Variants in SLC22A3 observed in about 807,000 individuals in gnomAD.
SLC22A3 encodes solute carrier family 22 member 3.
A neutral mutation model predicts 59.1 loss-of-function variants in SLC22A3; 51 were observed. The observed-to-expected ratio is 0.86, with a 90% CI of 0.69 to 1.09. The LOEUF (loss-of-function observed/expected upper bound fraction) is 1.09. SLC22A3 is among the 50% of genes least tolerant of loss of function. The pLI, the probability that SLC22A3 is intolerant of heterozygous loss-of-function variation, is 0.00. For missense variants in SLC22A3, 711 were observed against 726.3 expected (o/e 0.98, Z 0.24); for synonymous variants, 325 against 292.0 (o/e 1.11, Z -1.15).
chr6:160,362,884 G>A (rs764373719), intron 1 of SLC22A3, among the ~76,000 whole-genome samples: 1 of 152,228 alleles, frequency 6.6e-6, no homozygotes, highest in Admixed American at 6.5e-5. Context: ...GCTGGGCCGC[G>A]GCCAAGGAGC....
intron 1 of SLC22A3, among the ~76,000 whole-genome samples, chr6:160,383,348 C>T (rs1785866841): frequency 6.6e-6 from 1 of 152,028 alleles, no homozygotes; most frequent in Non-Finnish European, 1.5e-5. Flanking sequence ...CCACTAACAA[C>T]TACTTCAAAT....
chr6:160,452,552 CAATT>C lies in SLC22A3; in HGVS notation c.*1499_*1502del, dbSNP rs1789009046. 6.7e-6 allele frequency: 1 copy of C among 149,038 alleles called. No individual in the cohort carries two copies. The highest frequency in any genetic ancestry group is 2.6e-5 in the African/African-American group (1 of 38,436). The allele number at this position is 149,038 out of a possible 1,614,324, so 9.2% of individuals were successfully genotyped here. A position where few individuals can be genotyped will look rare whatever the true frequency, so the allele number is the denominator to read the frequency against. On this transcript the variant is annotated 3_prime_UTR_variant, in exon 11 of 11. Coordinates refer to ENST00000275300, the MANE Select transcript of SLC22A3 (RefSeq NM_021977.4). ...TTGAGTGGATATTTTTGTTTGGTAA[CAATT>C]AAAATTTTAAATCGTAAAAAATGTA...
At position 160,447,778 on chromosome 6, in the gene SLC22A3, G is replaced by A; in HGVS notation, c.1570G>A (p.Ala524Thr). 1 of 1,614,106 alleles carries A rather than the reference G, an allele frequency of 6.2e-7. No individual in the cohort carries two copies. Among genetic ancestry groups the A allele is most frequent in the African/African-American group, 1.3e-5 (1 of 75,024 alleles). ...VMLLPETKGI[A>T]LPETVDDVEK... Reference sequence around the variant, plus strand: ...GCTTTTGCCTGAAACCAAGGGTATTGCCTTGCCAGAGACAGTGGATGATGT... The same window carrying A: ...GCTTTTGCCTGAAACCAAGGGTATTACCTTGCCAGAGACAGTGGATGATGT... The change falls in exon 10 of 11, where the codon GCC becomes ACC. Residue 524 changes from alanine to threonine, a missense_variant. Transcript: ENST00000275300.
chr6:160,388,861 T>C (rs1786129836), intron 1 of SLC22A3, among the ~76,000 whole-genome samples: 2 of 152,218 alleles, frequency 1.3e-5, no homozygotes, highest in South Asian at 4.1e-4. Flanking sequence ...TGGTTCTTTA[T>C]TAGAGAGTAA....
intron 5 of SLC22A3, among the ~76,000 whole-genome samples, chr6:160,429,815 T>A (rs927042510): frequency 3.3e-5 from 5 of 151,810 alleles, no homozygotes; most frequent in African/African-American, 1.2e-4. Flanking sequence ...CTGGTATACT[T>A]AAGAAAATTC....
At chr6:160,429,052 G>T (rs1267678014) in intron 5 of SLC22A3, among the ~76,000 whole-genome samples, 2 of 152,200 alleles carry the variant, frequency 1.3e-5, no homozygotes, top group Non-Finnish European at 2.9e-5. Flanking sequence ...GAGCACCTCA[G>T]CTGTCACTGC....
At position 160,348,443 on chromosome 6, in the gene SLC22A3, G is replaced by A; in HGVS notation, c.24G>A (p.Leu8=). The change falls in exon 1 of 11, where the codon CTG becomes CTA. Residue 8 remains leucine (L), a synonymous_variant. Transcript: ENST00000275300. ...CCATGCCCTCCTTCGACGAGGCGCTGCAGCGGGTGGGCGAGTTCGGGCGCT... is the reference window on the plus strand; with the variant it reads ...CCATGCCCTCCTTCGACGAGGCGCTACAGCGGGTGGGCGAGTTCGGGCGCT... The part of the protein sequence containing the change: MPSFDEA[L]QRVGEFGRFQ... 6.6e-7 allele frequency: 1 copy of A among 1,522,180 alleles called. No homozygotes were observed. Among genetic ancestry groups the A allele is most frequent in the Non-Finnish European group, 8.8e-7 (1 of 1,138,386 alleles). 94.3% of individuals were successfully genotyped at this position (1,522,180 alleles called of 1,614,324 possible). A position where few individuals can be genotyped will look rare whatever the true frequency, so the allele number is the denominator to read the frequency against.
chr6:160,357,999 TTTTTA>T (rs1784898084), intron 1 of SLC22A3, among the ~76,000 whole-genome samples: 1 of 152,216 alleles, frequency 6.6e-6, no homozygotes, highest in African/African-American at 2.4e-5. Context: ...TACATAATGA[TTTTTA>T]TTTTAATTCC....
chr6:160,361,967 G>A (rs747967788), intron 1 of SLC22A3, among the ~76,000 whole-genome samples: 1 of 152,122 alleles, frequency 6.6e-6, no homozygotes, highest in Non-Finnish European at 1.5e-5. Context: ...ATGAAACATC[G>A]TTTAAAGTAA....
chr6:160,349,062 A>G (rs1413691440), intron 1 of SLC22A3: 3 of 985,362 alleles, frequency 3.0e-6, no homozygotes, highest in African/African-American at 3.5e-5. Context: ...TGAGCCCGTG[A>G]GTTAATGCAC....
chr6:160,418,004 A>G (rs1473125419), intron 5 of SLC22A3, among the ~76,000 whole-genome samples: 1 of 152,244 alleles, frequency 6.6e-6, no homozygotes, highest in Non-Finnish European at 1.5e-5. Flanking sequence ...CTTATGCAGC[A>G]TTATTTATCA....
intron 7 of SLC22A3, among the ~76,000 whole-genome samples, chr6:160,441,437 C>T (rs1193167210): frequency 1.3e-5 from 2 of 152,158 alleles, no homozygotes; most frequent in Non-Finnish European, 2.9e-5. Flanking sequence ...GTTAACGTGA[C>T]AGCTACAAGG....
chr6:160,428,448 T>C (rs373281624), intron 5 of SLC22A3, among the ~76,000 whole-genome samples: 13 of 152,236 alleles, frequency 8.5e-5, no homozygotes, highest in African/African-American at 2.9e-4. Context: ...ACACATGAGA[T>C]GTGGCAAGTC....
intron 2 of SLC22A3, among the ~76,000 whole-genome samples, chr6:160,405,375 G>C (rs1254873549): frequency 6.6e-6 from 1 of 152,028 alleles, no homozygotes; most frequent in Non-Finnish European, 1.5e-5. Flanking sequence ...ATATCTATTA[G>C]AATGGCCAAA....
At chr6:160,384,802 T>G (rs1042402691) in intron 1 of SLC22A3, among the ~76,000 whole-genome samples, 2 of 152,116 alleles carry the variant, frequency 1.3e-5, no homozygotes, top group African/African-American at 4.8e-5. Context: ...GGGGAAGCCA[T>G]CTCCACATGA....
At chr6:160,433,714 A>G (rs186409381) in intron 5 of SLC22A3, among the ~76,000 whole-genome samples, 4 of 152,038 alleles carry the variant, frequency 2.6e-5, no homozygotes, top group Non-Finnish European at 5.9e-5. Context: ...CTCAAAAAAA[A>G]TTTTTTTAAA....
chr6:160,441,146 G>A (rs1394787279), intron 7 of SLC22A3, among the ~76,000 whole-genome samples: 1 of 152,120 alleles, frequency 6.6e-6, no homozygotes, highest in Non-Finnish European at 1.5e-5. Flanking sequence ...TGTTTCCTAG[G>A]TAGCAGGCAG....
chr6:160,406,999 A>G, intron 2 of SLC22A3, 42 bp from the exon 3 acceptor site: 1 of 1,609,922 alleles, frequency 6.2e-7, no homozygotes, highest in Non-Finnish European at 8.5e-7. Context: ...TGTGTTGAAG[A>G]AAATGTTTAA....
chr6:160,443,877 TATG>T (rs1471106314), intron 9 of SLC22A3, 135 bp downstream of exon 9: 13 of 449,740 alleles, frequency 2.9e-5, no homozygotes, highest in African/African-American at 4.0e-5. Flanking sequence ...CATTGATAAT[TATG>T]ATATTAATTT....
Sources: gnomAD v4.1 joint callset for allele counts (sites outside exome capture counted in the v4.1 genomes callset) on GRCh38, gnomAD v4.1.1 for gene constraint, MANE v1.5 for transcripts, NCBI Gene and HGNC (gene_info 2026-07-23, HGNC 2026-07-21) for gene names.